Variants in LRGUK observed in about 807,000 individuals in gnomAD.
The protein encoded by LRGUK is leucine rich repeats and guanylate kinase domain containing, also known as leucine-rich repeat and guanylate kinase domain-containing protein.
LRGUK carries 65 observed loss-of-function variants against 76.0 expected under a neutral mutation model. The ratio of observed to expected loss-of-function variants is 0.85; its 90% CI spans 0.70 to 1.05. LRGUK has a LOEUF of 1.05. LRGUK is among the 50% of genes least tolerant of loss of function. The probability of loss-of-function intolerance (pLI) is 0.00; values close to 1 mark genes in which losing one functional copy is unlikely to be tolerated. For synonymous variants in LRGUK, 268 were observed against 265.6 expected, an observed-to-expected ratio of 1.01 and a Z score of -0.09; for missense variants, 758 against 732.8, an observed-to-expected ratio of 1.03 and a Z score of -0.40.
At chr7:134,228,813 CAT>C (rs1414396817) in intron 16 of LRGUK, among the ~76,000 whole-genome samples, 7 of 152,076 alleles carry the variant, frequency 4.6e-5, no homozygotes, top group Admixed American at 3.3e-4. Context: ...GTCAAGAAAA[CAT>C]ATTTTAATCT....
intron 5 of LRGUK, among the ~76,000 whole-genome samples, chr7:134,149,734 A>G (rs1375025852): frequency 6.6e-6 from 1 of 152,186 alleles, no homozygotes; most frequent in Non-Finnish European, 1.5e-5. Flanking sequence ...CCTTCACTTC[A>G]TGCTTGACTA....
chr7:134,273,457 C>T, the LRGUK span, among the ~76,000 whole-genome samples: 11 of 152,164 alleles, frequency 7.2e-5, 1 homozygote, highest in South Asian at 2.3e-3. Flanking sequence ...AGCCCACTAT[C>T]CATCCCAAGC....
chr7:134,233,363 C>T (rs564350713), intron 16 of LRGUK, among the ~76,000 whole-genome samples: 1 of 152,206 alleles, frequency 6.6e-6, no homozygotes, highest in African/African-American at 2.4e-5. Context: ...AACACCTTTA[C>T]CCCTGAAGCA....
downstream of LRGUK, among the ~76,000 whole-genome samples, chr7:134,212,808 A>G (rs1278884858): frequency 6.6e-6 from 1 of 152,266 alleles, no homozygotes; most frequent in Non-Finnish European, 1.5e-5. Context: ...CAAGGAAGAC[A>G]GAGAGTTCAT....
At chr7:134,154,665 A>G (rs1798383379) in intron 5 of LRGUK, among the ~76,000 whole-genome samples, 2 of 152,268 alleles carry the variant, frequency 1.3e-5, no homozygotes, top group African/African-American at 4.8e-5. Flanking sequence ...AGAGATGTTC[A>G]GGCAACTCCT....
intron 7 of LRGUK, among the ~76,000 whole-genome samples, chr7:134,172,210 C>G (rs1799284465): frequency 6.6e-6 from 1 of 152,112 alleles, no homozygotes; most frequent in African/African-American, 2.4e-5. Context: ...TAGGACTGTA[C>G]TGTTACCCAT....
intron 10 of LRGUK, among the ~76,000 whole-genome samples, chr7:134,181,702 A>C (rs1799759746): frequency 6.6e-6 from 1 of 152,114 alleles, no homozygotes; most frequent in Admixed American, 6.5e-5. Flanking sequence ...GTAATTGTAG[A>C]TTCACATGAA....
chr7:134,250,823 G>A (rs1275702515), intron 18 of LRGUK, among the ~76,000 whole-genome samples: 1 of 152,164 alleles, frequency 6.6e-6, no homozygotes, highest in Non-Finnish European at 1.5e-5. Flanking sequence ...AAACAAAATG[G>A]CCTAATGGGC....
At chr7:134,198,902 G>GT (rs1257135740) in intron 13 of LRGUK, among the ~76,000 whole-genome samples, 1 of 152,102 alleles carries the variant, frequency 6.6e-6, no homozygotes, top group Non-Finnish European at 1.5e-5. Context: ...CTGTAATAAA[G>GT]TTGCAATATT....
chr7:134,262,018 T>C (rs886089229), intron 19 of LRGUK, among the ~76,000 whole-genome samples: 1 of 152,222 alleles, frequency 6.6e-6, no homozygotes, highest in African/African-American at 2.4e-5. Flanking sequence ...CACTCATCAT[T>C]CACTATAGTA....
At chr7:134,210,277 A>T (rs1013177609), downstream of LRGUK, 24 of 398,862 alleles carry the variant, frequency 6.0e-5, no homozygotes, top group South Asian at 1.3e-4. Context: ...TGTAACTGTT[A>T]CAAATTAGGC....
chr7:134,169,658 T>A (rs1799163865), intron 7 of LRGUK, among the ~76,000 whole-genome samples: 1 of 152,158 alleles, frequency 6.6e-6, no homozygotes, highest in African/African-American at 2.4e-5. Context: ...GATTTACTTT[T>A]GTGGGTACTG....
At position 134,208,877 on chromosome 7, in the gene LRGUK, G is replaced by GAGCC. The variant is rs1193153778; in HGVS notation, c.2017_2018insCAGC (p.Leu673ProfsTer16). The GAGCC allele has an allele frequency of 2.5e-6, 1 of 398,850 alleles. No individual in the cohort carries two copies. Among genetic ancestry groups the GAGCC allele is most frequent in the Non-Finnish European group, 4.4e-6 (1 of 226,074 alleles). The allele number at this position is 398,850 out of a possible 1,614,324, so 24.7% of individuals were successfully genotyped here. ...GAGCGTAACTCCTGCCCAGAACCAA[G>GAGCC]AGCTGGCTCAGGATGGAGAAACCCA... On this transcript the variant is annotated frameshift_variant, in exon 16 of 16. Coordinates refer to ENST00000645682, the Ensembl canonical transcript of LRGUK. LOFTEE classifies it low-confidence loss of function (END_TRUNC).
At chr7:134,201,830 G>A (rs868733899) in intron 15 of LRGUK, among the ~76,000 whole-genome samples, 5 of 152,134 alleles carry the variant, frequency 3.3e-5, no homozygotes, top group African/African-American at 7.2e-5. Context: ...GTGCCTTGGC[G>A]GAGGTAATAG....
downstream of LRGUK, among the ~76,000 whole-genome samples, chr7:134,265,139 G>A (rs573519168): frequency 4.6e-5 from 7 of 152,274 alleles, no homozygotes; most frequent in South Asian, 1.5e-3. Context: ...AAGTGGGGAG[G>A]AAGAGGATAT....
chr7:134,178,649 C>A (rs763531144), intron 10 of LRGUK, 40 bp downstream of exon 10: 20 of 1,519,130 alleles, frequency 1.3e-5, no homozygotes, highest in Middle Eastern at 3.4e-4. Context: ...TCAGGGTGAG[C>A]AAGCAAAAGA....
intron 5 of LRGUK, among the ~76,000 whole-genome samples, chr7:134,156,994 G>T (rs1273013311): frequency 1.3e-5 from 2 of 152,150 alleles, no homozygotes; most frequent in Non-Finnish European, 2.9e-5. Flanking sequence ...ATGGGGAAAT[G>T]ACATTAAATC....
At chr7:134,154,084 T>C (rs1310250541) in intron 5 of LRGUK, among the ~76,000 whole-genome samples, 2 of 152,194 alleles carry the variant, frequency 1.3e-5, no homozygotes, top group Non-Finnish European at 2.9e-5. Context: ...CTTCATTCAG[T>C]TTCCCCAAGG....
chr7:134,233,957 A>C (rs1201734764), intron 16 of LRGUK, among the ~76,000 whole-genome samples: 1 of 152,172 alleles, frequency 6.6e-6, no homozygotes, highest in African/African-American at 2.4e-5. Flanking sequence ...AACTTTCTTA[A>C]AACATGAGAT....
Sources: gnomAD v4.1 joint callset for allele counts (sites outside exome capture counted in the v4.1 genomes callset) on GRCh38, gnomAD v4.1.1 for gene constraint, MANE v1.5 for transcripts, NCBI Gene and HGNC (gene_info 2026-07-23, HGNC 2026-07-21) for gene names.